Variants in HOXB3 observed in about 807,000 individuals in gnomAD.
The protein encoded by HOXB3 is homeobox protein Hox-B3.
Under a neutral mutation model 29.2 loss-of-function variants are expected in HOXB3, and 17 were observed. That is an observed-to-expected ratio of 0.58 (90% CI 0.40 to 0.87). The LOEUF (loss-of-function observed/expected upper bound fraction) is 0.87. HOXB3 is among the 40% of genes least tolerant of loss of function. The pLI is 0.00. For missense variants in HOXB3, 637 were observed against 616.3 expected, an observed-to-expected ratio of 1.03 and a Z score of -0.35; for synonymous variants, 317 against 285.9, an observed-to-expected ratio of 1.11 and a Z score of -1.10.
chr17:48,578,557 C>A, intron 1 of HOXB3: 2 of 459,982 alleles, frequency 4.3e-6, no homozygotes, highest in Admixed American at 4.3e-5. Flanking sequence ...CCCCACCCAC[C>A]CACCCAACAC....
At chr17:48,557,182 C>T (rs1161380964) in intron 2 of HOXB3, 1 of 152,378 alleles carries the variant, frequency 6.6e-6, no homozygotes, top group Non-Finnish European at 1.5e-5. Flanking sequence ...TAACTGCTGA[C>T]TCGGAGCTAG....
At chr17:48,586,059 G>T (rs2070040034) in intron 1 of HOXB3, among the ~76,000 whole-genome samples, 1 of 152,260 alleles carries the variant, frequency 6.6e-6, no homozygotes, top group South Asian at 2.1e-4. Context: ...GCAAGGCTCA[G>T]CCCGGATCCA....
At chr17:48,587,874 G>A (rs1450329045) in intron 1 of HOXB3, among the ~76,000 whole-genome samples, 1 of 152,268 alleles carries the variant, frequency 6.6e-6, no homozygotes, top group Non-Finnish European at 1.5e-5. Context: ...GCCTCAGAGG[G>A]AAAAGAGAAA....
chr17:48,585,712 A>G (rs1475374278), intron 1 of HOXB3, among the ~76,000 whole-genome samples: 1 of 152,186 alleles, frequency 6.6e-6, no homozygotes, highest in Non-Finnish European at 1.5e-5. Context: ...TGGGATTCAG[A>G]AAACAGAAAA....
intron 2 of HOXB3, chr17:48,560,000 C>T (rs1237354865): frequency 6.6e-6 from 1 of 152,256 alleles, no homozygotes; most frequent in African/African-American, 2.4e-5. Flanking sequence ...CAGGTGGGCT[C>T]CTTGGTGGTG....
intron 1 of HOXB3, among the ~76,000 whole-genome samples, chr17:48,588,505 A>G (rs1323154192): frequency 6.6e-6 from 1 of 152,210 alleles, no homozygotes; most frequent in Admixed American, 6.5e-5. Flanking sequence ...CCAGGGGCAC[A>G]ATAGGAATGG....
Position 48,552,325 on chromosome 17 carries a change from T to C in HOXB3, c.150A>G (p.Ser50=). The change falls in exon 4 of 5, where the codon TCA becomes TCG. Residue 50 remains serine (S), a synonymous_variant. Coordinates refer to ENST00000498678, the MANE Select transcript of HOXB3 (RefSeq NM_001384749.1). The part of the protein sequence containing the change: ...ATHLEGDYQR[S]ACSLQSLGNA... ...TGCCCAGGGACTGCAGCGAGCAAGCTGAGCGCTGGTAGTCGCCCTCCAGGT... is the reference window on the plus strand; with the variant it reads ...TGCCCAGGGACTGCAGCGAGCAAGCCGAGCGCTGGTAGTCGCCCTCCAGGT... 1 of 1,614,008 alleles carries C rather than the reference T, an allele frequency of 6.2e-7. No individual in the cohort carries two copies. Among genetic ancestry groups the C allele is most frequent in the Non-Finnish European group, 8.5e-7 (1 of 1,179,988 alleles).
chr17:48,558,726 G>A (rs1013547494), intron 2 of HOXB3, among the ~76,000 whole-genome samples: 3 of 152,202 alleles, frequency 2.0e-5, no homozygotes, highest in South Asian at 2.1e-4. Flanking sequence ...GTTTGAGCAG[G>A]GAACTTGGGG....
intron 1 of HOXB3, chr17:48,580,171 G>A (rs2069898287): frequency 7.9e-6 from 2 of 251,626 alleles, no homozygotes; most frequent in South Asian, 7.5e-5. Flanking sequence ...TGCCTCCGCC[G>A]CCGCCGCGCA....
At chr17:48,581,731 G>T (rs1460343543) in intron 1 of HOXB3, 1 of 152,296 alleles carries the variant, frequency 6.6e-6, no homozygotes, top group Admixed American at 6.5e-5. Context: ...AGAGGAACAG[G>T]CGGCAGAGCC....
At chr17:48,566,758 C>T (rs1282208469) in intron 2 of HOXB3, among the ~76,000 whole-genome samples, 2 of 152,180 alleles carry the variant, frequency 1.3e-5, no homozygotes, top group African/African-American at 4.8e-5. Context: ...CTTCCCTGCT[C>T]TCTCAAAAAC....
At chr17:48,571,316 C>T (rs906252419) in intron 2 of HOXB3, among the ~76,000 whole-genome samples, 50 of 152,232 alleles carry the variant, frequency 3.3e-4, no homozygotes, top group African/African-American at 1.2e-3. Flanking sequence ...CCCCAGCTGC[C>T]GCTTCCCAGG....
chr17:48,570,020 C>G (rs2069531782), intron 2 of HOXB3, among the ~76,000 whole-genome samples: 1 of 152,192 alleles, frequency 6.6e-6, no homozygotes, highest in Non-Finnish European at 1.5e-5. Context: ...CTCATTTCCC[C>G]CCCTTCCCAA....
intron 1 of HOXB3, among the ~76,000 whole-genome samples, chr17:48,582,808 A>C (rs1272878943): frequency 1.3e-5 from 2 of 152,166 alleles, no homozygotes; most frequent in Non-Finnish European, 2.9e-5. Flanking sequence ...TCAGTCGGCC[A>C]CGCCCCTGTT....
Position 48,578,225 on chromosome 17 carries a change from T to A in HOXB3, c.-424-4211A>T. 1.9e-6 allele frequency: 3 copies of A among 1,613,934 alleles called. No homozygotes were observed. The South Asian group carries it at 3.3e-5, about 18-fold the overall frequency. ...GCCGGCGTAGTACCCGGGCGAGTGGTCGCTGGGTAGGTAATCGCTCTGTGA... is the reference window on the plus strand; with the variant it reads ...GCCGGCGTAGTACCCGGGCGAGTGGACGCTGGGTAGGTAATCGCTCTGTGA... On this transcript the variant is annotated intron_variant, in intron 1 of 4. Coordinates refer to ENST00000498678, the MANE Select transcript of HOXB3 (RefSeq NM_001384749.1).
At chr17:48,576,751 G>T (rs767904414) in intron 1 of HOXB3, 1 of 1,590,320 alleles carries the variant, frequency 6.3e-7, no homozygotes. Flanking sequence ...CCATTGGGCC[G>T]GCCAGGGGGC....
intron 1 of HOXB3, chr17:48,577,873 G>A (rs764769248): frequency 7.9e-6 from 11 of 1,398,630 alleles, no homozygotes; most frequent in Non-Finnish European, 9.3e-6. Flanking sequence ...CCGTGCTCAC[G>A]TGAACTTTGC....
At chr17:48,572,868 C>T (rs2069631430) in intron 2 of HOXB3, among the ~76,000 whole-genome samples, 1 of 152,150 alleles carries the variant, frequency 6.6e-6, no homozygotes, top group Non-Finnish European at 1.5e-5. Flanking sequence ...CAAATGCCAA[C>T]ACAATGTCCA....
chr17:48,585,983 A>C (rs2070038755), intron 1 of HOXB3, among the ~76,000 whole-genome samples: 1 of 151,986 alleles, frequency 6.6e-6, no homozygotes, highest in African/African-American at 2.4e-5. Flanking sequence ...GCCCTACCCC[A>C]CCGGGCTCCG....
Sources: allele counts gnomAD v4.1 joint callset (sites outside exome capture counted in the v4.1 genomes callset), GRCh38; gene constraint gnomAD v4.1.1; transcripts MANE v1.5; gene names NCBI Gene and HGNC (gene_info 2026-07-23, HGNC 2026-07-21).